BBS9: variants seen among roughly 807,000 people sequenced by gnomAD.
The protein encoded by BBS9 is protein PTHB1.
A neutral mutation model predicts 117.7 loss-of-function variants in BBS9; 89 were observed. The observed-to-expected ratio is 0.76, with a 90% CI of 0.64 to 0.90. The LOEUF is 0.90. BBS9 is among the 40% of genes least tolerant of loss of function. The pLI is 0.00. For synonymous variants in BBS9, 379 were observed against 370.9 expected (o/e 1.02, Z -0.25); for missense variants, 982 against 1,042.2 (o/e 0.94, Z 0.80).
At chr7:33,377,520 A>G (rs1311501483) in intron 17 of BBS9, among the ~76,000 whole-genome samples, 2 of 151,896 alleles carry the variant, frequency 1.3e-5, no homozygotes, top group African/African-American at 2.4e-5. Context: ...TTTTTGTTTC[A>G]TGTGGATTTT....
At chr7:33,206,262 A>G (rs1786900788) in intron 5 of BBS9, among the ~76,000 whole-genome samples, 1 of 152,208 alleles carries the variant, frequency 6.6e-6, no homozygotes, top group South Asian at 2.1e-4. Context: ...GAAGTGTGGG[A>G]ATGGTTAAGA....
At chr7:33,281,563 A>T (rs1394766396) in intron 9 of BBS9, among the ~76,000 whole-genome samples, 1 of 151,304 alleles carries the variant, frequency 6.6e-6, no homozygotes, top group Non-Finnish European at 1.5e-5. Flanking sequence ...TTTTTTATAG[A>T]TAGGATCTTG....
chr7:33,577,816 A>G (rs564105111), intron 21 of BBS9, among the ~76,000 whole-genome samples: 39 of 152,240 alleles, frequency 2.6e-4, no homozygotes, highest in Middle Eastern at 3.4e-3. Flanking sequence ...AAAACCAAAC[A>G]CCGCATGTTC....
chr7:33,440,842 T>A (rs1836063215), intron 19 of BBS9, among the ~76,000 whole-genome samples: 1 of 152,178 alleles, frequency 6.6e-6, no homozygotes, highest in African/African-American at 2.4e-5. Flanking sequence ...TAATTTATAA[T>A]TTAATAAATG....
rs188626299 is a variant in BBS9 at position 33,475,840 on chromosome 7, C to T, written c.2116-29623C>T. Among the ~76,000 whole-genome samples, 5 of 152,218 alleles carry T rather than the reference C, an allele frequency of 3.3e-5. No individual in the cohort carries two copies. The East Asian group carries it at 9.7e-4, about 29-fold the overall frequency. On this transcript the variant is annotated intron_variant, in intron 19 of 22. Transcript: ENST00000242067. ...ACAGGCAACCAGCAGTGTCTACTGA[C>T]AATCACATCATAATTCCTGAGAACA... is the stretch of plus-strand genomic sequence containing the variant.
At chr7:33,220,349 T>C (rs895587396) in intron 5 of BBS9, among the ~76,000 whole-genome samples, 16 of 152,200 alleles carry the variant, frequency 1.1e-4, no homozygotes, top group Admixed American at 9.2e-4. Context: ...GGGCAGATGC[T>C]GCTGATTCTT....
intron 19 of BBS9, among the ~76,000 whole-genome samples, chr7:33,429,062 A>C (rs1834049495): frequency 6.6e-6 from 1 of 152,166 alleles, no homozygotes; most frequent in Non-Finnish European, 1.5e-5. Flanking sequence ...TAGCTTGCTC[A>C]CTTTGTTTAG....
chr7:33,391,848 A>AT (rs1430406986), intron 19 of BBS9, among the ~76,000 whole-genome samples: 1 of 152,006 alleles, frequency 6.6e-6, no homozygotes, highest in Non-Finnish European at 1.5e-5. Flanking sequence ...TTTGCCTGTT[A>AT]TTTTTTATTT....
Position 33,632,468 on chromosome 7 carries a change from C to T in BBS9, c.2522-2709C>T, listed in dbSNP as rs183884558. 1.6e-3 allele frequency among the ~76,000 whole-genome samples: 240 copies of T among 152,340 alleles called. 5 individuals are homozygous for T. Among genetic ancestry groups the T allele is most frequent in the Non-Finnish European group, 4.4e-4 (30 of 68,020 alleles). ...ACCTTGCCCGGGCCTCTGTCCCCTC[C>T]AGCCGCGCTCCACCGGCGCCCTCGC... On this transcript the variant is annotated intron_variant, in intron 21 of 21. Coordinates refer to the BBS9 transcript ENST00000671952.
chr7:33,199,358 A>G (rs1287206448), intron 5 of BBS9, among the ~76,000 whole-genome samples: 1 of 151,908 alleles, frequency 6.6e-6, no homozygotes. Flanking sequence ...AAAATTAGGG[A>G]CCTCTAATAT....
At chr7:33,616,493 G>GTATATA (rs66529823) in intron 21 of BBS9, among the ~76,000 whole-genome samples, 2,630 of 136,370 alleles carry the variant, frequency 0.019, 38 homozygotes, top group South Asian at 0.041. Flanking sequence ...GTGTGTGTGT[G>GTATATA]TATATATATA....
rs560275440 is a variant in BBS9 at position 33,333,126 on chromosome 7, T to C, written c.1017-3315T>C. The stretch of plus-strand genomic sequence containing the variant: ...TTGCTTACATGGATAAGTTCTTTAG[T>C]GGTGATTTCTGTGATTTTGGTGCAC... On this transcript the variant is annotated intron_variant, in intron 9 of 22. Transcript: ENST00000242067. 3.3e-5 allele frequency among the ~76,000 whole-genome samples: 5 copies of C among 152,258 alleles called. No homozygotes were observed. In the South Asian group the frequency reaches 8.3e-4, roughly 25 times the overall value.
chr7:33,231,517 A>G (rs1478938947), intron 5 of BBS9, among the ~76,000 whole-genome samples: 7 of 148,354 alleles, frequency 4.7e-5, no homozygotes, highest in Admixed American at 4.0e-4. Flanking sequence ...GGTGCCTCCA[A>G]CTTTGTTTTT....
intron 5 of BBS9, among the ~76,000 whole-genome samples, chr7:33,251,149 G>T (rs552684167): frequency 1.3e-5 from 2 of 152,304 alleles, no homozygotes; most frequent in African/African-American, 4.8e-5. Flanking sequence ...TTCAGAGGAA[G>T]ATTTGGCTCC....
chr7:33,527,048 G>A (rs1159877632), intron 20 of BBS9, among the ~76,000 whole-genome samples: 2 of 151,684 alleles, frequency 1.3e-5, no homozygotes. Context: ...GTGCCTCCCA[G>A]TTAGGCTGCT....
intron 19 of BBS9, among the ~76,000 whole-genome samples, chr7:33,406,225 G>A (rs1230499813): frequency 6.6e-6 from 1 of 152,082 alleles, no homozygotes. Flanking sequence ...TATAATTTCT[G>A]TTCTTTTACA....
intron 21 of BBS9, among the ~76,000 whole-genome samples, chr7:33,583,632 C>T (rs962103773): frequency 6.6e-6 from 1 of 151,998 alleles, no homozygotes; most frequent in African/African-American, 2.4e-5. Context: ...TGTGATGTGC[C>T]CTTTGGGAAC....
chr7:33,190,092 A>T (rs1783838147), intron 5 of BBS9, among the ~76,000 whole-genome samples: 1 of 145,372 alleles, frequency 6.9e-6, no homozygotes, highest in South Asian at 2.3e-4. Context: ...TCTTTTCTTG[A>T]TTATAGAGCT....
In BBS9 at chr7:33,350,359, AC is replaced by A. The variant is rs1818410702; in HGVS notation, c.1433-859del. ...CTCATAGGTGATACCCAGCCATTGA[AC>A]TTTTGCTTGCATTTCTGATTTTGTA... On this transcript the variant is annotated intron_variant, in intron 13 of 22. Transcript: ENST00000242067. Among the ~76,000 whole-genome samples, 14 of 119,298 alleles carry A rather than the reference AC, an allele frequency of 1.2e-4. No homozygotes were observed. In the South Asian group the frequency reaches 3.8e-3, roughly 32 times the overall value. 78.3% of individuals were successfully genotyped at this position (119,298 alleles called of 152,430 possible).
Sources: gnomAD v4.1 joint callset for allele counts (sites outside exome capture counted in the v4.1 genomes callset) on GRCh38, gnomAD v4.1.1 for gene constraint, MANE v1.5 for transcripts, NCBI Gene and HGNC (gene_info 2026-07-23, HGNC 2026-07-21) for gene names.